The following ZFYVE16 variants were observed in gnomAD, a reference collection of about 807,000 sequenced individuals.
ZFYVE16 encodes zinc finger FYVE domain-containing protein 16.
In ZFYVE16, 89 loss-of-function variants were observed where a neutral mutation model predicts 138.1. That is an observed-to-expected ratio of 0.64 (90% CI 0.54 to 0.77). ZFYVE16 has a LOEUF of 0.77. Ranked by LOEUF, ZFYVE16 falls within the 30% of genes least tolerant of loss-of-function variation. The pLI, the probability that ZFYVE16 is intolerant of heterozygous loss-of-function variation, is 0.00. For synonymous variants in ZFYVE16, 596 were observed against 618.3 expected (o/e 0.96, Z 0.53); for missense variants, 1,793 against 1,786.7 (o/e 1.00, Z -0.06).
intron 7 of ZFYVE16, among the ~76,000 whole-genome samples, chr5:80,447,042 A>G (rs944092207): frequency 6.6e-6 from 1 of 152,142 alleles, no homozygotes; most frequent in African/African-American, 2.4e-5. Context: ...TGGGCGGATC[A>G]TCTGAGGTCA....
At position 80,444,040 on chromosome 5, in the gene ZFYVE16, C is replaced by T. The variant is rs977625778; in HGVS notation, c.2581+756C>T. 1.6e-5 allele frequency: 5 copies of T among 317,924 alleles called. No homozygotes were observed. The East Asian group carries it at 2.4e-4, about 15-fold the overall frequency. 19.7% of individuals were successfully genotyped at this position (317,924 alleles called of 1,614,324 possible). Reference sequence around the variant, plus strand: ...TTGAGTTGTCTGTTCTTTTTTACAACCTGTCATCAATTAGCATCTTGGGTA... The same window carrying T: ...TTGAGTTGTCTGTTCTTTTTTACAATCTGTCATCAATTAGCATCTTGGGTA... On this transcript the variant is annotated intron_variant, in intron 6 of 18. Coordinates refer to ENST00000505560, the MANE Select transcript of ZFYVE16 (RefSeq NM_001284236.3).
At position 80,439,977 on chromosome 5, in the gene ZFYVE16, ATAT is replaced by A. The variant is rs746386694; in HGVS notation, c.2365_2367del (p.Tyr789del). ...GTTGTAATAGGAAGTGTAAACTGCA[ATAT>A]CTAGAAAAGGAAGCAAGAGTATGTG... On this transcript the variant is annotated inframe_deletion, in exon 5 of 19. Transcript: ENST00000505560. 6.2e-7 allele frequency: 1 copy of A among 1,611,538 alleles called. No individual in the cohort carries two copies. The highest frequency in any genetic ancestry group is 8.5e-7 in the Non-Finnish European group (1 of 1,178,688).
rs1580276154 is a variant in ZFYVE16 at position 80,449,731 on chromosome 5, C to T, written c.3226+18C>T. 4 of 1,568,832 alleles carry T rather than the reference C, an allele frequency of 2.5e-6. No homozygotes were observed. Among genetic ancestry groups the T allele is most frequent in the African/African-American group, 1.4e-5 (1 of 72,436 alleles). ...CATATTTTGTAAGTAATAATTTATC[C>T]TTATTTGCTTAATTGGTAAGCAGGA... On this transcript the variant is annotated intron_variant, in intron 9 of 18. Transcript: ENST00000505560.
intron 2 of ZFYVE16, among the ~76,000 whole-genome samples, chr5:80,429,195 C>T (rs1748603712): frequency 6.6e-6 from 1 of 152,172 alleles, no homozygotes; most frequent in South Asian, 2.1e-4. Context: ...ATGTTAAGGG[C>T]AGCCAGAGAG....
chr5:80,431,493 G>A (rs1405183666), intron 2 of ZFYVE16, among the ~76,000 whole-genome samples: 1 of 152,124 alleles, frequency 6.6e-6, no homozygotes, highest in Non-Finnish European at 1.5e-5. Flanking sequence ...TACTGAATTG[G>A]CAAAAACTGG....
At chr5:80,460,896 C>T (rs561606082) in intron 15 of ZFYVE16, among the ~76,000 whole-genome samples, 67 of 152,300 alleles carry the variant, frequency 4.4e-4, no homozygotes, top group African/African-American at 1.5e-3. Flanking sequence ...AATCATCACC[C>T]ACCTTTGACT....
At chr5:80,432,445 T>C (rs576108540) in intron 2 of ZFYVE16, among the ~76,000 whole-genome samples, 26 of 152,246 alleles carry the variant, frequency 1.7e-4, no homozygotes, top group Non-Finnish European at 5.9e-5. Context: ...TCAAGATGGG[T>C]TAAAGACTTA....
At chr5:80,426,710 T>C (rs1034774867) in intron 1 of ZFYVE16, among the ~76,000 whole-genome samples, 1 of 152,210 alleles carries the variant, frequency 6.6e-6, no homozygotes, top group Admixed American at 6.5e-5. Context: ...TTGATGGGCA[T>C]TTGGGTTGAT....
rs1384713481 is a variant in ZFYVE16, at chr5:80,445,468, G to A, written c.2724+63G>A. On this transcript the variant is annotated intron_variant, in intron 7 of 18. Coordinates refer to ENST00000505560, the MANE Select transcript of ZFYVE16 (RefSeq NM_001284236.3). Reference sequence around the variant, plus strand: ...AATTTTATTTCGTAGATAATTCCTGGTGTGATTATTAGAGTGCTTTTTTTT... The same window carrying A: ...AATTTTATTTCGTAGATAATTCCTGATGTGATTATTAGAGTGCTTTTTTTT... 21 of 1,472,248 alleles carry A rather than the reference G, an allele frequency of 1.4e-5. No homozygotes were observed. The East Asian group carries it at 3.5e-4, about 24-fold the overall frequency. 91.2% of individuals were successfully genotyped at this position (1,472,248 alleles called of 1,614,324 possible).
At chr5:80,431,047 CA>C in intron 2 of ZFYVE16, among the ~76,000 whole-genome samples, 1 of 152,204 alleles carries the variant, frequency 6.6e-6, no homozygotes, top group East Asian at 1.9e-4. Flanking sequence ...GAAACTATTC[CA>C]ATCAATAGAA....
chr5:80,436,830 T>A lies in ZFYVE16; in HGVS notation c.145T>A (p.Ser49Thr). Residue 49 changes from serine to threonine, a missense_variant, in exon 4 of 19, where the codon TCC becomes ACC. By Grantham distance (58) the Ser-to-Thr change is moderately conservative. Coordinates refer to ENST00000505560, the MANE Select transcript of ZFYVE16 (RefSeq NM_001284236.3). ...CTGCTCAGTTTCTTCAGAGTTGGCT[T>A]CCTCACAGCGAACTTCATTGCTCCC... ...NHCSVSSELA[S>T]SQRTSLLPKD... 1.9e-6 allele frequency: 3 copies of A among 1,614,166 alleles called. No homozygotes were observed. The highest frequency in any genetic ancestry group is 8.5e-7 in the Non-Finnish European group (1 of 1,180,016).
At chr5:80,467,024 C>G (rs969815237) in intron 15 of ZFYVE16, among the ~76,000 whole-genome samples, 2 of 152,174 alleles carry the variant, frequency 1.3e-5, no homozygotes, top group African/African-American at 4.8e-5. Context: ...TACTATCAGA[C>G]AGTTGTCATT....
rs752300615 is a variant in ZFYVE16 at position 80,445,410 on chromosome 5, G to A, written c.2724+5G>A. The A allele has an allele frequency of 6.2e-7, 1 of 1,606,274 alleles. No individual in the cohort carries two copies. The highest frequency in any genetic ancestry group is 8.5e-7 in the Non-Finnish European group (1 of 1,177,514). ...CTCTCACCTGATGTGCCTATGGTAA[G>A]GAATTCAAAGAATAACTTAATTGAC... On this transcript the variant is annotated splice_donor_5th_base_variant and intron_variant, in intron 7 of 18. Transcript: ENST00000505560.
intron 15 of ZFYVE16, among the ~76,000 whole-genome samples, chr5:80,460,113 A>G (rs1015403467): frequency 6.6e-6 from 1 of 152,160 alleles, no homozygotes; most frequent in Non-Finnish European, 1.5e-5. Flanking sequence ...TACCATGAAT[A>G]TATAAAATTT....
chr5:80,468,189 C>T (rs1382193891), intron 15 of ZFYVE16, among the ~76,000 whole-genome samples: 2 of 152,182 alleles, frequency 1.3e-5, no homozygotes, highest in Non-Finnish European at 2.9e-5. Context: ...TGCATTAAAT[C>T]ATTAGCTTAA....
Position 80,437,815 on chromosome 5 carries a change from G to C in ZFYVE16, c.1130G>C (p.Cys377Ser), listed in dbSNP as rs185551219. Reference sequence around the variant, plus strand: ...AAAGATGTGCCGTCCTCATTGTCCTGTCTTCCTGCGTCTGGGTCTATGTGT... The same window carrying C: ...AAAGATGTGCCGTCCTCATTGTCCTCTCTTCCTGCGTCTGGGTCTATGTGT... ...SSKDVPSSLSCLPASGSMCGS... is the reference protein window; with the variant it reads ...SSKDVPSSLSSLPASGSMCGS... The change falls in exon 4 of 19, where the codon TGT becomes TCT. Residue 377 changes from cysteine to serine, a missense_variant. By Grantham distance (112) the Cys-to-Ser change is moderately radical. Coordinates refer to ENST00000505560, the MANE Select transcript of ZFYVE16 (RefSeq NM_001284236.3). 5 of 1,613,918 alleles carry C rather than the reference G, an allele frequency of 3.1e-6. No homozygotes were observed. The highest frequency in any genetic ancestry group is 2.2e-5 in the East Asian group (1 of 44,896).
chr5:80,436,368 T>C (rs1442009523), intron 3 of ZFYVE16, among the ~76,000 whole-genome samples: 1 of 152,162 alleles, frequency 6.6e-6, no homozygotes, highest in African/African-American at 2.4e-5. Context: ...GGACATCAAA[T>C]TATCAGAGCA....
chr5:80,472,663 G>A (rs1754499876), intron 15 of ZFYVE16, 98 bp from the exon 16 acceptor site: 1 of 1,153,354 alleles, frequency 8.7e-7, no homozygotes, highest in Non-Finnish European at 1.2e-6. Flanking sequence ...TTTAAAACTT[G>A]TATCTTACAC....
chr5:80,464,059 CTCT>C (rs1256028366), intron 15 of ZFYVE16, among the ~76,000 whole-genome samples: 1 of 152,124 alleles, frequency 6.6e-6, no homozygotes, highest in African/African-American at 2.4e-5. Context: ...ACATCTTCCT[CTCT>C]TCTTCTGAGC....
Sources: allele counts gnomAD v4.1 joint callset (sites outside exome capture counted in the v4.1 genomes callset), GRCh38; gene constraint gnomAD v4.1.1; transcripts MANE v1.5; gene names NCBI Gene and HGNC (gene_info 2026-07-23, HGNC 2026-07-21).